The following PHACTR1 variants were observed in gnomAD, a reference collection of about 807,000 sequenced individuals.
PHACTR1 encodes phosphatase and actin regulator 1.
PHACTR1 carries 16 observed loss-of-function variants against 69.2 expected under a neutral mutation model. The ratio of observed to expected loss-of-function variants is 0.23; its 90% CI spans 0.16 to 0.35. PHACTR1 has a LOEUF of 0.35. PHACTR1 is among the 10% of genes least tolerant of loss of function. The probability of loss-of-function intolerance (pLI) is 1.00; values close to 1 mark genes in which losing one functional copy is unlikely to be tolerated. For missense variants in PHACTR1, 510 were observed against 734.7 expected, an observed-to-expected ratio of 0.69 and a Z score of 3.54; for synonymous variants, 312 against 284.5, an observed-to-expected ratio of 1.10 and a Z score of -0.97.
chr6:13,034,025 T>TC (rs1033799931), intron 4 of PHACTR1, among the ~76,000 whole-genome samples: 4 of 15,904 alleles, frequency 2.5e-4, no homozygotes, highest in African/African-American at 3.8e-4. Flanking sequence ...TCTTTTTTCT[T>TC]TTTTTTTTTT....
At chr6:12,936,686 CT>C (rs1789485610) in intron 4 of PHACTR1, among the ~76,000 whole-genome samples, 1 of 152,220 alleles carries the variant, frequency 6.6e-6, no homozygotes, top group Non-Finnish European at 1.5e-5. Flanking sequence ...GAAATAGCAT[CT>C]ATAGGAAATG....
In PHACTR1 at chr6:13,185,298, A is replaced by T. The variant is rs182144524; in HGVS notation, c.664+2612A>T. 2.6e-5 allele frequency among the ~76,000 whole-genome samples: 4 copies of T among 152,362 alleles called. No individual in the cohort carries two copies. The East Asian group carries it at 7.7e-4, about 29-fold the overall frequency. ...GTGACTAATTCAAGATTATTTGCTC[A>T]TCTAGGTGAAATCGATTCAATGTCA... On this transcript the variant is annotated intron_variant, in intron 7 of 14. Coordinates refer to ENST00000332995, the MANE Select transcript of PHACTR1 (RefSeq NM_030948.6).
chr6:13,273,796 C>T (rs938469018), intron 11 of PHACTR1: 3 of 152,266 alleles, frequency 2.0e-5, no homozygotes, highest in African/African-American at 7.2e-5. Flanking sequence ...CCTGTTCCCC[C>T]TACCCCACAA....
intron 5 of PHACTR1, among the ~76,000 whole-genome samples, chr6:13,128,288 CT>C (rs1408679642): frequency 3.0e-5 from 1 of 33,670 alleles, no homozygotes; most frequent in Non-Finnish European, 8.6e-5. Flanking sequence ...TGGATCCAAA[CT>C]AAAAAAAAAA....
chr6:13,275,814 A>G lies in PHACTR1; in HGVS notation c.1448-2454A>G, dbSNP rs1042859102. 6.6e-5 allele frequency: 10 copies of G among 152,154 alleles called. No individual in the cohort carries two copies. Among genetic ancestry groups the G allele is most frequent in the African/African-American group, 1.9e-4 (8 of 41,410 alleles). 9.4% of individuals were successfully genotyped at this position (152,154 alleles called of 1,614,324 possible). A position where few individuals can be genotyped will look rare whatever the true frequency, so the allele number is the denominator to read the frequency against. ...AGCTGTCCCTGGTGACCCAACATCC[A>G]GACCACCTTTTCTTCCATCCGTTTT... is the stretch of plus-strand genomic sequence containing the variant. On this transcript the variant is annotated intron_variant, in intron 11 of 14. Coordinates refer to ENST00000332995, the MANE Select transcript of PHACTR1 (RefSeq NM_030948.6). This position sits in a 1 kb window ranked among gnomAD's most constrained non-coding sequence, Gnocchi z 4.0.
At position 13,177,385 on chromosome 6, in the gene PHACTR1, A is replaced by C. The variant is rs9381805; in HGVS notation, c.497-5134A>C. 4.8e-3 allele frequency among the ~76,000 whole-genome samples: 600 copies of C among 124,120 alleles called. 3 individuals carry two copies. Among genetic ancestry groups the C allele is most frequent in the Non-Finnish European group, 7.2e-3 (379 of 52,340 alleles). 81.4% of individuals were successfully genotyped at this position (124,120 alleles called of 152,430 possible). ...TTGCGCTCTCTCTCTCTCTCTCTAT[A>C]TATATATACACACACACACAGACAT... On this transcript the variant is annotated intron_variant, in intron 6 of 14. Coordinates refer to ENST00000332995, the MANE Select transcript of PHACTR1 (RefSeq NM_030948.6).
chr6:12,755,912 G>A (rs1185426023), intron 4 of PHACTR1, among the ~76,000 whole-genome samples: 3 of 152,102 alleles, frequency 2.0e-5, no homozygotes, highest in African/African-American at 7.2e-5. Flanking sequence ...TATCTCTTTG[G>A]AATTCACAGA....
chr6:12,853,248 T>A (rs1780004808), intron 4 of PHACTR1, among the ~76,000 whole-genome samples: 1 of 152,212 alleles, frequency 6.6e-6, no homozygotes, highest in Admixed American at 6.5e-5. Flanking sequence ...CTACGTCACA[T>A]GTGCTGCCAC....
chr6:12,878,157 A>G (rs1782728433), intron 4 of PHACTR1, among the ~76,000 whole-genome samples: 1 of 152,230 alleles, frequency 6.6e-6, no homozygotes, highest in Admixed American at 6.5e-5. Context: ...TATGTATTAA[A>G]CAAAGGAATG....
At chr6:13,096,071 C>G (rs1814201928) in intron 5 of PHACTR1, among the ~76,000 whole-genome samples, 1 of 151,900 alleles carries the variant, frequency 6.6e-6, no homozygotes, top group Non-Finnish European at 1.5e-5. Context: ...AACCACATCC[C>G]CACAGATGTT....
intron 12 of PHACTR1, among the ~76,000 whole-genome samples, chr6:13,282,890 T>TA (rs1254777491): frequency 7.4e-6 from 1 of 135,304 alleles, no homozygotes; most frequent in African/African-American, 3.6e-5. Context: ...TCAGCAATGT[T>TA]ATGAAGATAG....
At chr6:12,847,619 C>T (rs1226004562) in intron 4 of PHACTR1, among the ~76,000 whole-genome samples, 2 of 151,610 alleles carry the variant, frequency 1.3e-5, no homozygotes, top group African/African-American at 4.8e-5. Context: ...AACAATTATA[C>T]TACCTCAATG....
chr6:13,041,384 G>C (rs1337681978), intron 4 of PHACTR1, among the ~76,000 whole-genome samples: 3 of 70,310 alleles, frequency 4.3e-5, no homozygotes, highest in African/African-American at 8.5e-5. Flanking sequence ...ACACACAGAA[G>C]AGAAGAATGT....
At chr6:13,090,256 A>C (rs781236657) in intron 5 of PHACTR1, among the ~76,000 whole-genome samples, 3 of 149,026 alleles carry the variant, frequency 2.0e-5, no homozygotes, top group Non-Finnish European at 4.4e-5. Context: ...GGGTTTCACC[A>C]TGTTGTCTCG....
intron 10 of PHACTR1, among the ~76,000 whole-genome samples, chr6:13,260,760 A>C (rs952035452): frequency 5.9e-5 from 9 of 152,222 alleles, no homozygotes; most frequent in Non-Finnish European, 1.3e-4. Flanking sequence ...GAGTAGCAGG[A>C]ATTAGGAAAT....
At chr6:12,877,849 A>G (rs1782695266) in intron 4 of PHACTR1, among the ~76,000 whole-genome samples, 1 of 152,178 alleles carries the variant, frequency 6.6e-6, no homozygotes, top group Non-Finnish European at 1.5e-5. Context: ...AGTGTCCACA[A>G]TTCAGGCTTT....
chr6:13,280,887 G>A (rs1272851423), intron 12 of PHACTR1: 2 of 1,158,282 alleles, frequency 1.7e-6, no homozygotes, highest in Non-Finnish European at 2.3e-6. Flanking sequence ...CAGGCCAAAG[G>A]TGCGTCTTCT....
At chr6:13,193,772 T>C (rs1211572167) in intron 7 of PHACTR1, among the ~76,000 whole-genome samples, 1 of 152,088 alleles carries the variant, frequency 6.6e-6, no homozygotes, top group Non-Finnish European at 1.5e-5. Context: ...AGCAGATGAA[T>C]GTGTCGATGC....
At chr6:12,760,761 C>G (rs924232749) in intron 4 of PHACTR1, among the ~76,000 whole-genome samples, 1 of 152,096 alleles carries the variant, frequency 6.6e-6, no homozygotes, top group African/African-American at 2.4e-5. Context: ...GATGAAACCC[C>G]ATCTCTACTA....
Sources: allele counts gnomAD v4.1 joint callset (sites outside exome capture counted in the v4.1 genomes callset), GRCh38; gene constraint gnomAD v4.1.1; non-coding constraint Gnocchi (gnomAD v3.1); transcripts MANE v1.5; gene names NCBI Gene and HGNC (gene_info 2026-07-23, HGNC 2026-07-21).